ENPP2: variants seen among roughly 807,000 people sequenced by gnomAD.
ENPP2 encodes ectonucleotide pyrophosphatase/phosphodiesterase 2, also known as autotaxin.
ENPP2 carries 51 observed loss-of-function variants against 120.2 expected under a neutral mutation model. The ratio of observed to expected loss-of-function variants is 0.42; its 90% confidence interval spans 0.34 to 0.54. ENPP2 has a LOEUF of 0.54. ENPP2 is among the 20% of genes least tolerant of loss of function. ENPP2 has a pLI of 0.04. For synonymous variants in ENPP2, 365 were observed against 366.4 expected, an observed-to-expected ratio of 1.00 and a Z score of 0.04; for missense variants, 920 against 1,066.5, an observed-to-expected ratio of 0.86 and a Z score of 1.91.
At chr8:119,626,747 T>C (rs1173049654) in intron 2 of ENPP2, 27 bp from the exon 3 acceptor site, 2 of 1,610,498 alleles carry the variant, frequency 1.2e-6, no homozygotes, top group African/African-American at 2.7e-5. Flanking sequence ...GCAAAAACAA[T>C]GGACTGGAGA....
At chr8:119,617,976 C>G (rs1389320428) in intron 5 of ENPP2, among the ~76,000 whole-genome samples, 2 of 152,070 alleles carry the variant, frequency 1.3e-5, no homozygotes, top group Non-Finnish European at 2.9e-5. Flanking sequence ...AATAAAATAA[C>G]CGAACATATT....
chr8:119,561,721 C>A (rs1459847070), intron 24 of ENPP2, among the ~76,000 whole-genome samples: 1 of 152,130 alleles, frequency 6.6e-6, no homozygotes, highest in Non-Finnish European at 1.5e-5. Context: ...GACTGCTACA[C>A]CTCCATCATA....
chr8:119,593,980 TTGTC>T lies in ENPP2; in HGVS notation c.973-124_973-121del, dbSNP rs757765233. The T allele has an allele frequency of 4.8e-4, 332 of 695,400 alleles. 1 individual carries two copies. Among genetic ancestry groups the T allele is most frequent in the Non-Finnish European group, 6.0e-4 (230 of 386,336 alleles). 43.1% of individuals were successfully genotyped at this position (695,400 alleles called of 1,614,324 possible). Reference sequence around the variant, plus strand: ...AAACTTCCGGCCCAGAGGCAGAGCTTTGTCTGGGGAGATTTGCCTGCCATTCTTA... The same window carrying T: ...AAACTTCCGGCCCAGAGGCAGAGCTTTGGGGAGATTTGCCTGCCATTCTTA... On this transcript the variant is annotated intron_variant, in intron 11 of 24. Coordinates refer to ENST00000075322, the MANE Select transcript of ENPP2 (RefSeq NM_001040092.3).
intron 8 of ENPP2, among the ~76,000 whole-genome samples, chr8:119,615,342 G>T (rs1170242111): frequency 6.6e-6 from 1 of 152,074 alleles, no homozygotes; most frequent in East Asian, 1.9e-4. Context: ...TGTGTGCCCT[G>T]GGTTATGTTC....
At chr8:119,647,787 C>A (rs1294679341) in intron 1 of ENPP2, among the ~76,000 whole-genome samples, 2 of 152,022 alleles carry the variant, frequency 1.3e-5, no homozygotes, top group Admixed American at 1.3e-4. Flanking sequence ...GGTGGATTAC[C>A]TGAGGTCAGG....
chr8:119,602,773 T>A (rs1050617329), intron 9 of ENPP2, among the ~76,000 whole-genome samples: 2 of 152,216 alleles, frequency 1.3e-5, no homozygotes, highest in Admixed American at 6.5e-5. Context: ...TAGAGGCATG[T>A]TCATGATGAA....
chr8:119,616,436 A>G (rs770270505), intron 7 of ENPP2, 52 bp from the exon 8 acceptor site: 4 of 1,373,244 alleles, frequency 2.9e-6, no homozygotes, highest in Non-Finnish European at 4.1e-6. Context: ...TAATCCACAT[A>G]CATTAGTTCT....
chr8:119,557,584 G>T lies in ENPP2; in HGVS notation c.2529C>A (p.Ser843Arg), dbSNP rs775801866. 6.2e-7 allele frequency: 1 copy of T among 1,613,068 alleles called. No homozygotes were observed. The highest frequency in any genetic ancestry group is 2.2e-5 in the East Asian group (1 of 44,874). Residue 843 changes from serine (S) to arginine (R), a missense_variant, in exon 25 of 25, where the codon AGC becomes AGA. By Grantham distance (110) the Ser-to-Arg change is moderately radical. Transcript: ENST00000075322. ...GTGTCAGGATTTCTGGGTAGCTGCGGCTGGTCTTTCGGAAGAAGTCCAGGC... is the reference window on the plus strand; with the variant it reads ...GTGTCAGGATTTCTGGGTAGCTGCGTCTGGTCTTTCGGAAGAAGTCCAGGC... ...LTSLDFFRKT[S>R]RSYPEILTLK...
At chr8:119,585,468 T>C (rs1813039585) in intron 15 of ENPP2, among the ~76,000 whole-genome samples, 1 of 152,150 alleles carries the variant, frequency 6.6e-6, no homozygotes, top group Non-Finnish European at 1.5e-5. Flanking sequence ...CCAGCTAGAG[T>C]ACATGTGGCA....
At chr8:119,619,136 T>TA (rs1815696823) in intron 5 of ENPP2, 108 bp downstream of exon 5, 1 of 811,574 alleles carries the variant, frequency 1.2e-6, no homozygotes. Context: ...TTTGCCTGTA[T>TA]AAGAGAATTT....
At chr8:119,650,031 T>C (rs574599110) in intron 1 of ENPP2, among the ~76,000 whole-genome samples, 157 of 152,294 alleles carry the variant, frequency 1.0e-3, no homozygotes, top group African/African-American at 3.7e-3. Flanking sequence ...CTTATGTATA[T>C]ACCCAAGAGG....
rs955682571 is a variant in ENPP2 at position 119,586,049 on chromosome 8, GC to G, written c.1367+136del. The G allele has an allele frequency of 6.2e-5, 57 of 923,166 alleles. No homozygotes were observed. In the Admixed American group the frequency reaches 1.4e-3, roughly 22 times the overall value. The allele number at this position is 923,166 out of a possible 1,614,324, so 57.2% of individuals were successfully genotyped here. ...TGTCTCAGCACTGATGGTTTATGTA[GC>G]CCACAAAATCTTTGGAAACAGTGAG... On this transcript the variant is annotated intron_variant, in intron 15 of 24. Transcript: ENST00000075322.
intron 1 of ENPP2, among the ~76,000 whole-genome samples, chr8:119,669,030 A>G (rs576541742): frequency 1.8e-4 from 27 of 152,254 alleles, no homozygotes; most frequent in African/African-American, 6.5e-4. Flanking sequence ...AAAAGTCAAA[A>G]CAGATTATAA....
intron 1 of ENPP2, among the ~76,000 whole-genome samples, chr8:119,649,269 G>T (rs1234838730): frequency 6.6e-6 from 1 of 150,972 alleles, no homozygotes; most frequent in Admixed American, 6.6e-5. Context: ...GGGTGTGGTC[G>T]TGGGCACCTG....
At chr8:119,565,234 A>G (rs1814321814) in intron 22 of ENPP2, among the ~76,000 whole-genome samples, 1 of 152,184 alleles carries the variant, frequency 6.6e-6, no homozygotes, top group Non-Finnish European at 1.5e-5. Context: ...GATCTGAAGC[A>G]TGGATAAGTA....
chr8:119,595,997 A>T, intron 11 of ENPP2: 1 of 1,613,624 alleles, frequency 6.2e-7, no homozygotes, highest in South Asian at 1.1e-5. Context: ...AGCCATAACT[A>T]CTCTCCTGTA....
chr8:119,657,259 G>A (rs983725646), intron 1 of ENPP2, among the ~76,000 whole-genome samples: 8 of 152,236 alleles, frequency 5.3e-5, no homozygotes, highest in East Asian at 3.9e-4. Context: ...AAACCAAGAC[G>A]CAGAAAGATG....
At position 119,604,012 on chromosome 8, in the gene ENPP2, CTT is replaced by C. The variant is rs35136821; in HGVS notation, c.834-2552_834-2551del. 5.4e-3 allele frequency among the ~76,000 whole-genome samples: 734 copies of C among 136,572 alleles called. 5 individuals carry two copies. The highest frequency in any genetic ancestry group is 0.018 in the South Asian group (80 of 4,392). The allele number at this position is 136,572 out of a possible 152,430, so 89.6% of individuals were successfully genotyped here. A position where few individuals can be genotyped will look rare whatever the true frequency, so the allele number is the denominator to read the frequency against. ...AGTGTTCTAACCTCTCAATCTCTCT[CTT>C]TTTTTTTTTTTTTTTTTTGGTTGTT... On this transcript the variant is annotated intron_variant, in intron 9 of 24. Transcript: ENST00000075322.
chr8:119,621,092 AT>A (rs1295818217), intron 4 of ENPP2, among the ~76,000 whole-genome samples: 1 of 152,204 alleles, frequency 6.6e-6, no homozygotes, highest in African/African-American at 2.4e-5. Context: ...CATGTACCGA[AT>A]TCCTGTCTCA....
Sources: gnomAD v4.1 joint callset for allele counts (sites outside exome capture counted in the v4.1 genomes callset) on GRCh38, gnomAD v4.1.1 for gene constraint, MANE v1.5 for transcripts, NCBI Gene and HGNC (gene_info 2026-07-23, HGNC 2026-07-21) for gene names.